Variants in GPM6A observed in about 807,000 individuals in gnomAD.
GPM6A encodes glycoprotein M6A, also known as neuronal membrane glycoprotein M6-a.
A neutral mutation model predicts 32.1 loss-of-function variants in GPM6A; 7 were observed. That is an observed-to-expected ratio of 0.22 (90% CI 0.12 to 0.41). The LOEUF (loss-of-function observed/expected upper bound fraction) is 0.41. Among genes scored for constraint, GPM6A ranks in the 10% least tolerant of loss-of-function variants. The pLI is 1.00. For missense variants in GPM6A, 235 were observed against 347.2 expected, an observed-to-expected ratio of 0.68 and a Z score of 2.57; for synonymous variants, 130 against 123.4, an observed-to-expected ratio of 1.05 and a Z score of -0.35.
chr4:175,989,431 C>A (rs1460631825), intron 1 of GPM6A, among the ~76,000 whole-genome samples: 1 of 151,966 alleles, frequency 6.6e-6, no homozygotes, highest in Non-Finnish European at 1.5e-5. Flanking sequence ...GACCTACAGA[C>A]AATAATGTGA....
intron 1 of GPM6A, among the ~76,000 whole-genome samples, chr4:175,849,530 G>A (rs984362243): frequency 6.6e-6 from 1 of 152,162 alleles, no homozygotes; most frequent in African/African-American, 2.4e-5. Context: ...AAAGATATGG[G>A]AGTTAATTTG....
intron 1 of GPM6A, among the ~76,000 whole-genome samples, chr4:175,723,186 C>T (rs923157117): frequency 1.3e-5 from 2 of 152,162 alleles, no homozygotes; most frequent in African/African-American, 2.4e-5. Flanking sequence ...TGACAAGTCA[C>T]AAGACCTGGA....
At position 175,807,378 on chromosome 4, in the gene GPM6A, G is replaced by A. The variant is rs867374477; in HGVS notation, c.37+4813C>T. 10 of 152,322 alleles carry A rather than the reference G, an allele frequency of 6.6e-5. No individual in the cohort carries two copies. In the Middle Eastern group the frequency reaches 0.01, roughly 155 times the overall value. 9.4% of individuals were successfully genotyped at this position (152,322 alleles called of 1,614,324 possible). On this transcript the variant is annotated intron_variant, in intron 1 of 6. Coordinates refer to ENST00000393658, the MANE Select transcript of GPM6A (RefSeq NM_201591.3). ...TAAACTCAGGGAAAATTTCTTAGCA[G>A]TAAGCCTCTTTATGTAAGACTCCTA...
intron 1 of GPM6A, among the ~76,000 whole-genome samples, chr4:175,880,413 A>G (rs540762097): frequency 1.3e-5 from 2 of 152,272 alleles, no homozygotes; most frequent in South Asian, 2.1e-4. Context: ...GTTTTTTCCA[A>G]TTCTGTGAAG....
chr4:175,698,983 G>A (rs917929494), intron 2 of GPM6A, among the ~76,000 whole-genome samples: 2 of 152,080 alleles, frequency 1.3e-5, no homozygotes, highest in African/African-American at 4.8e-5. Flanking sequence ...GCTGATAGAT[G>A]TACATAAGCA....
intron 1 of GPM6A, among the ~76,000 whole-genome samples, chr4:175,955,799 T>C (rs1381335232): frequency 6.6e-6 from 1 of 152,176 alleles, no homozygotes; most frequent in Non-Finnish European, 1.5e-5. Context: ...CCTGAACATC[T>C]AGATCCAGTG....
chr4:175,758,970 T>C (rs1732635813), intron 1 of GPM6A, among the ~76,000 whole-genome samples: 1 of 152,188 alleles, frequency 6.6e-6, no homozygotes, highest in African/African-American at 2.4e-5. Context: ...TCTACTCTCC[T>C]TGAGACCTCA....
chr4:175,704,260 T>C (rs1424376261), intron 1 of GPM6A, among the ~76,000 whole-genome samples: 1 of 152,042 alleles, frequency 6.6e-6, no homozygotes, highest in East Asian at 1.9e-4. Context: ...GTAGCTGTTG[T>C]TTGTGCAGGC....
intron 1 of GPM6A, among the ~76,000 whole-genome samples, chr4:175,726,863 A>G (rs990681132): frequency 6.6e-6 from 1 of 151,996 alleles, no homozygotes. Flanking sequence ...GGGTGTGTTG[A>G]TGTGCACCTG....
chr4:175,956,557 C>A (rs1300465078), intron 1 of GPM6A, among the ~76,000 whole-genome samples: 1 of 152,048 alleles, frequency 6.6e-6, no homozygotes, highest in African/African-American at 2.4e-5. Flanking sequence ...CAAATGATTT[C>A]TCAGTCAAAT....
intron 1 of GPM6A, among the ~76,000 whole-genome samples, chr4:175,825,513 A>G (rs892471665): frequency 5.3e-5 from 8 of 152,312 alleles, no homozygotes; most frequent in Admixed American, 5.2e-4. Context: ...AAATAAACAA[A>G]TACATTAAGG....
chr4:175,718,216 C>A (rs1303006710), intron 1 of GPM6A, among the ~76,000 whole-genome samples: 3 of 152,142 alleles, frequency 2.0e-5, no homozygotes, highest in Non-Finnish European at 4.4e-5. Flanking sequence ...ATCCCCTACA[C>A]AAGAATTAAC....
chr4:175,711,000 G>A (rs1745497689), intron 1 of GPM6A, among the ~76,000 whole-genome samples: 3 of 152,094 alleles, frequency 2.0e-5, no homozygotes, highest in Admixed American at 2.0e-4. Flanking sequence ...GCTGCTGTCT[G>A]CAGTGCTTTC....
intron 1 of GPM6A, among the ~76,000 whole-genome samples, chr4:175,884,688 G>A (rs1380722288): frequency 6.6e-6 from 1 of 151,762 alleles, no homozygotes; most frequent in Non-Finnish European, 1.5e-5. Context: ...CCCACCAAGA[G>A]CCCGGCTAAT....
rs546743462 is a variant in GPM6A, at chr4:175,892,264, A to G, written c.-22-80015T>C. Among the ~76,000 whole-genome samples the G allele has an allele frequency of 2.0e-5, 3 of 152,350 alleles. No individual in the cohort carries two copies. In the South Asian group the frequency reaches 6.2e-4, roughly 32 times the overall value. ...GGGACTCAAGATACCCTCTTATTTCATTCGAACTTACTTCATTAACCTTAA... is the reference window on the plus strand; with the variant it reads ...GGGACTCAAGATACCCTCTTATTTCGTTCGAACTTACTTCATTAACCTTAA... On this transcript the variant is annotated intron_variant, in intron 1 of 7. Transcript: ENST00000280187.
chr4:175,730,975 C>T (rs962139111), intron 1 of GPM6A, among the ~76,000 whole-genome samples: 9 of 152,124 alleles, frequency 5.9e-5, no homozygotes, highest in African/African-American at 2.2e-4. Flanking sequence ...CTTTTTCCAC[C>T]AACCTCCTGG....
intron 1 of GPM6A, among the ~76,000 whole-genome samples, chr4:175,830,374 A>G (rs1345555528): frequency 2.6e-5 from 4 of 152,200 alleles, no homozygotes; most frequent in African/African-American, 9.7e-5. Flanking sequence ...ACAACTTTAT[A>G]TGTTATAACT....
At chr4:175,701,916 C>T in intron 1 of GPM6A, 149 bp from the exon 2 acceptor site, 2 of 537,850 alleles carry the variant, frequency 3.7e-6, no homozygotes, top group Middle Eastern at 4.5e-4. Context: ...TTGAAGGATA[C>T]TAAGATCAAA....
chr4:175,862,241 C>A (rs530341110), intron 1 of GPM6A, among the ~76,000 whole-genome samples: 11 of 152,246 alleles, frequency 7.2e-5, no homozygotes, highest in Middle Eastern at 3.4e-3. Flanking sequence ...TGCATATATC[C>A]ATGTAAACAG....
Sources: allele counts gnomAD v4.1 joint callset (sites outside exome capture counted in the v4.1 genomes callset), GRCh38; gene constraint gnomAD v4.1.1; transcripts MANE v1.5; gene names NCBI Gene and HGNC (gene_info 2026-07-23, HGNC 2026-07-21).